PIK3CA: variants seen among roughly 807,000 people sequenced by gnomAD.
PIK3CA encodes phosphatidylinositol 4,5-bisphosphate 3-kinase catalytic subunit alpha isoform.
PIK3CA carries 27 observed loss-of-function variants against 138.2 expected under a neutral mutation model. That is an observed-to-expected ratio of 0.20 (90% confidence interval 0.14 to 0.27). The LOEUF is 0.27. PIK3CA is among the 10% of genes least tolerant of loss of function. PIK3CA has a pLI of 1.00. For missense variants in PIK3CA, 544 were observed against 1,277.4 expected, an observed-to-expected ratio of 0.43 and a Z score of 8.75; for synonymous variants, 358 against 413.2, an observed-to-expected ratio of 0.87 and a Z score of 1.62.
chr3:179,199,975 T>A, intron 3 of PIK3CA, 76 bp downstream of exon 3: 2 of 209,006 alleles, frequency 9.6e-6, no homozygotes, highest in Non-Finnish European at 1.5e-5. Flanking sequence ...TTGTATAGTC[T>A]TTTTTTTTTT....
intron 1 of PIK3CA, among the ~76,000 whole-genome samples, chr3:179,178,743 G>A (rs1368961463): frequency 6.6e-6 from 1 of 152,134 alleles, no homozygotes; most frequent in African/African-American, 2.4e-5. Context: ...AGTCAGCAAA[G>A]GGAAAAGGTG....
intron 1 of PIK3CA, among the ~76,000 whole-genome samples, chr3:179,180,997 G>A (rs113457056): frequency 0.031 from 4,698 of 152,160 alleles, 93 homozygotes; most frequent in Non-Finnish European, 0.041. Flanking sequence ...GAAGAGAAAG[G>A]TCGGAGAGAG....
chr3:179,204,205 AC>A (rs1724497004), intron 5 of PIK3CA, among the ~76,000 whole-genome samples: 1 of 152,206 alleles, frequency 6.6e-6, no homozygotes, highest in South Asian at 2.1e-4. Flanking sequence ...AAGTACGTGT[AC>A]CAATTTAGCT....
intron 1 of PIK3CA, among the ~76,000 whole-genome samples, chr3:179,155,687 A>C (rs1311278345): frequency 1.3e-5 from 2 of 152,134 alleles, no homozygotes; most frequent in African/African-American, 4.8e-5. Context: ...AGGGACTTGA[A>C]CCTCTATGGA....
In PIK3CA at chr3:179,219,860, C is replaced by A; in HGVS notation, c.1912-89C>A. The A allele has an allele frequency of 6.5e-7, 1 of 1,527,424 alleles. No homozygotes were observed. The highest frequency in any genetic ancestry group is 8.9e-7 in the Non-Finnish European group (1 of 1,127,998). 94.6% of individuals were successfully genotyped at this position (1,527,424 alleles called of 1,614,324 possible). On this transcript the variant is annotated intron_variant, in intron 12 of 20. Coordinates refer to ENST00000263967, the MANE Select transcript of PIK3CA (RefSeq NM_006218.4). This position sits in a 1 kb window ranked among gnomAD's most constrained non-coding sequence, Gnocchi z 4.2. Reference sequence around the variant, plus strand: ...TTATGCTTAAAAAAAAAAATTATTACCAGTAATATCCACTTTCTTTCTGAA... The same window carrying A: ...TTATGCTTAAAAAAAAAAATTATTAACAGTAATATCCACTTTCTTTCTGAA...
chr3:179,163,804 T>C (rs1050602275), intron 1 of PIK3CA, among the ~76,000 whole-genome samples: 1 of 152,094 alleles, frequency 6.6e-6, no homozygotes, highest in Non-Finnish European at 1.5e-5. Flanking sequence ...TTTTTACTTT[T>C]TGAGTTAGCA....
At chr3:179,179,745 G>A (rs1723792867) in intron 1 of PIK3CA, among the ~76,000 whole-genome samples, 1 of 152,122 alleles carries the variant, frequency 6.6e-6, no homozygotes, top group Non-Finnish European at 1.5e-5. Context: ...AAAACATCTT[G>A]TAAAGATGTC....
At chr3:179,233,248 C>T (rs2108428003) in intron 20 of PIK3CA, 1 of 397,876 alleles carries the variant, frequency 2.5e-6, no homozygotes, top group East Asian at 3.6e-5. Flanking sequence ...TTCCTCTTTT[C>T]CAATTTGGAT....
chr3:179,225,772 A>C (rs1487495658), intron 16 of PIK3CA, among the ~76,000 whole-genome samples, 190 bp from the exon 17 acceptor site: 14 of 152,112 alleles, frequency 9.2e-5, no homozygotes, highest in Admixed American at 8.5e-4. Context: ...AAGCTATGTA[A>C]AGGCTTTGAG....
At position 179,201,530 on chromosome 3, in the gene PIK3CA, G is replaced by A. The variant is rs2108390193; in HGVS notation, c.803G>A (p.Ser268Asn). ...DEYFLEKYPL[S>N]QYKYIRSCIM... ...TACTTCCTAGAAAAATATCCTCTGA[G>A]TCAGTATAAGGTGAGTAACAAGTTT... The change falls in exon 4 of 21, where the codon AGT (serine) becomes AAT (asparagine). Residue 268 changes from serine to asparagine, a missense_variant. Around this residue, in one of 14 missense-constraint regions of PIK3CA, gnomAD observed 234 missense variants for 401.3 expected, o/e 0.58. Coordinates refer to ENST00000263967, the MANE Select transcript of PIK3CA (RefSeq NM_006218.4). The A allele has an allele frequency of 3.8e-6, 6 of 1,598,062 alleles. No individual in the cohort carries two copies. The highest frequency in any genetic ancestry group is 4.3e-6 in the Non-Finnish European group (5 of 1,166,130).
intron 1 of PIK3CA, among the ~76,000 whole-genome samples, chr3:179,149,076 G>C (rs1267172862): frequency 1.3e-5 from 2 of 152,180 alleles, no homozygotes; most frequent in African/African-American, 4.8e-5. Context: ...GGCCCCGCCA[G>C]CCTGGCGGCC....
At chr3:179,232,846 A>C (rs1725243695) in intron 20 of PIK3CA, among the ~76,000 whole-genome samples, 1 of 151,778 alleles carries the variant, frequency 6.6e-6, no homozygotes, top group South Asian at 2.1e-4. Flanking sequence ...TCATTTATCA[A>C]ATCTAGGAGT....
chr3:179,223,872 A>AG (rs962469000), intron 14 of PIK3CA, among the ~76,000 whole-genome samples: 1 of 152,192 alleles, frequency 6.6e-6, no homozygotes, highest in African/African-American at 2.4e-5. Context: ...TCTTACAGGA[A>AG]GGGGTACACA....
intron 20 of PIK3CA, among the ~76,000 whole-genome samples, chr3:179,232,242 A>G (rs185530771): frequency 1.2e-4 from 18 of 152,268 alleles, no homozygotes; most frequent in Middle Eastern, 3.4e-3. Flanking sequence ...TTATGGTTTC[A>G]GGTCTTAGAT....
At chr3:179,162,410 C>T (rs963288751) in intron 1 of PIK3CA, among the ~76,000 whole-genome samples, 2 of 152,062 alleles carry the variant, frequency 1.3e-5, no homozygotes, top group South Asian at 4.2e-4. Context: ...AGGGTTTCGC[C>T]ATGTTGCCCA....
chr3:179,176,066 A>G (rs929674640), intron 1 of PIK3CA, among the ~76,000 whole-genome samples: 6 of 152,136 alleles, frequency 3.9e-5, no homozygotes, highest in Non-Finnish European at 8.8e-5. Context: ...GAGGAAATCT[A>G]TAGTCTTCTC....
chr3:179,166,635 T>C (rs1313185030), intron 1 of PIK3CA, among the ~76,000 whole-genome samples: 1 of 152,214 alleles, frequency 6.6e-6, no homozygotes, highest in Non-Finnish European at 1.5e-5. Context: ...TCTACAAATA[T>C]TTGTTTAATC....
intron 9 of PIK3CA, among the ~76,000 whole-genome samples, chr3:179,216,114 G>A (rs529002160): frequency 6.6e-6 from 1 of 152,262 alleles, no homozygotes; most frequent in Non-Finnish European, 1.5e-5. Flanking sequence ...TCTAATCATG[G>A]TGAAGTTTAT....
chr3:179,159,667 C>T (rs1229990378), intron 1 of PIK3CA, among the ~76,000 whole-genome samples: 6 of 152,034 alleles, frequency 3.9e-5, no homozygotes, highest in African/African-American at 1.5e-4. Flanking sequence ...AACATAAAAA[C>T]GTGACAAAAA....
Sources: allele counts gnomAD v4.1 joint callset (sites outside exome capture counted in the v4.1 genomes callset), GRCh38; gene constraint gnomAD v4.1.1; regional missense constraint gnomAD v4.1.1; non-coding constraint Gnocchi (gnomAD v3.1); transcripts MANE v1.5; gene names NCBI Gene and HGNC (gene_info 2026-07-23, HGNC 2026-07-21).